The following TMC3 variants were observed in gnomAD, a reference collection of about 807,000 sequenced individuals.
TMC3 encodes the protein transmembrane channel-like protein 3.
TMC3 carries 98 observed loss-of-function variants against 110.6 expected under a neutral mutation model. That is an observed-to-expected ratio of 0.89 (90% CI 0.75 to 1.05). TMC3 has a LOEUF of 1.05. Among genes scored for constraint, TMC3 ranks in the 50% least tolerant of loss-of-function variants. The pLI, the probability that TMC3 is intolerant of heterozygous loss-of-function variation, is 0.00. For missense variants in TMC3, 1,319 were observed against 1,373.2 expected (o/e 0.96, Z 0.62); for synonymous variants, 489 against 513.1 (o/e 0.95, Z 0.63).
At chr15:81,365,702 A>C (rs28393521) in intron 3 of TMC3, among the ~76,000 whole-genome samples, 5 of 151,952 alleles carry the variant, frequency 3.3e-5, no homozygotes, top group South Asian at 2.1e-4. Flanking sequence ...GAAAAAAAAG[A>C]AAAAAGCAAA....
chr15:81,343,315 T>A lies in TMC3; in HGVS notation c.1678A>T (p.Asn560Tyr). Reference sequence around the variant, plus strand: ...TGGTTGTAGACTAAATGTAGCACATTCTCAGCTATTTTGAATTCTCCATAT... The same window carrying A: ...TGGTTGTAGACTAAATGTAGCACATACTCAGCTATTTTGAATTCTCCATAT... ...PEYGEFKIAE[N>Y]VLHLVYNQGM... Residue 560 changes from asparagine to tyrosine, a missense_variant, in exon 15 of 22, where the codon AAT becomes TAT. Coordinates refer to ENST00000359440, the MANE Select transcript of TMC3 (RefSeq NM_001080532.3). 5 of 1,611,258 alleles carry A rather than the reference T, an allele frequency of 3.1e-6. No homozygotes were observed. Among genetic ancestry groups the A allele is most frequent in the Non-Finnish European group, 4.2e-6 (5 of 1,177,400 alleles).
chr15:81,358,455 G>C lies in TMC3; in HGVS notation c.547C>G (p.Pro183Ala). The C allele has an allele frequency of 6.2e-7, 1 of 1,613,710 alleles. No individual in the cohort carries two copies. Among genetic ancestry groups the C allele is most frequent in the Non-Finnish European group, 8.5e-7 (1 of 1,179,746 alleles). Residue 183 changes from proline (P) to alanine (A), a missense_variant, in exon 6 of 22, where the codon CCC (proline) becomes GCC (alanine). By Grantham distance (27) the Pro-to-Ala change is conservative. Coordinates refer to ENST00000359440, the MANE Select transcript of TMC3 (RefSeq NM_001080532.3). ...TGGGCAGACGAAACCTGCTCCTTGG[G>C]GATGGTCTTCCTGGCTGTGCTTCCA... ...PFGSTARKTI[P>A]KEQVSSAQDL...
At position 81,367,921 on chromosome 15, in the gene TMC3, T is replaced by TTTG. The variant is rs570351001; in HGVS notation, c.312+329_312+331dup. ...ACAGTGCTCACATGTGTGTGTGTTTTTTGTTGTTGTTGTTTTGTTTGTTTG... is the reference window on the plus strand; with the variant it reads ...ACAGTGCTCACATGTGTGTGTGTTTTTTGTTGTTGTTGTTGTTTTGTTTGTTTG... On this transcript the variant is annotated intron_variant, in intron 3 of 21. Coordinates refer to ENST00000359440, the MANE Select transcript of TMC3 (RefSeq NM_001080532.3). 1.2e-4 allele frequency among the ~76,000 whole-genome samples: 18 copies of TTTG among 152,198 alleles called. 1 individual carries two copies. In the South Asian group the frequency reaches 2.9e-3, roughly 25 times the overall value.
chr15:81,356,818 A>G (rs1265190139), intron 7 of TMC3, among the ~76,000 whole-genome samples: 1 of 152,258 alleles, frequency 6.6e-6, no homozygotes, highest in Non-Finnish European at 1.5e-5. Flanking sequence ...GCCCATTATT[A>G]TATGAGTTCA....
At chr15:81,352,028 C>T (rs1036236227) in intron 9 of TMC3, among the ~76,000 whole-genome samples, 187 bp from the exon 10 acceptor site, 15 of 152,134 alleles carry the variant, frequency 9.9e-5, no homozygotes, top group Admixed American at 6.5e-4. Flanking sequence ...AAGAGATCAA[C>T]GACCAGTCAT....
Position 81,359,408 on chromosome 15 carries a change from A to G in TMC3, c.458T>C (p.Ile153Thr), listed in dbSNP as rs1894138547. The G allele has an allele frequency of 1.0e-5, 16 of 1,606,716 alleles. No homozygotes were observed. The highest frequency in any genetic ancestry group is 2.2e-5 in the East Asian group (1 of 44,744). The change falls in exon 5 of 22, where the codon ATT (isoleucine) becomes ACT (threonine). Residue 153 changes from isoleucine to threonine, a missense_variant. Coordinates refer to ENST00000359440, the MANE Select transcript of TMC3 (RefSeq NM_001080532.3). ...IFLRWLFGIN[I>T]VLTIMTGAFI... ...AGCACCTGTCATAATGGTGAGCACAATATTAATTCCAAATAACCATCTCAA... is the reference window on the plus strand; with the variant it reads ...AGCACCTGTCATAATGGTGAGCACAGTATTAATTCCAAATAACCATCTCAA...
Position 81,362,214 on chromosome 15 carries a change from A to T in TMC3, c.394+6T>A, listed in dbSNP as rs757310514. ...CCTGCCCCACTCTCCAGGTGTAAAT[A>T]CTTACTCTCGATTTTCTTTATCCTC... On this transcript the variant is annotated splice_donor_region_variant and intron_variant, in intron 4 of 21. Coordinates refer to ENST00000359440, the MANE Select transcript of TMC3 (RefSeq NM_001080532.3). The T allele has an allele frequency of 2.1e-5, 34 of 1,602,672 alleles. No homozygotes were observed. The highest frequency in any genetic ancestry group is 2.7e-5 in the African/African-American group (2 of 74,734).
At chr15:81,369,049 T>C (rs1372451120) in intron 2 of TMC3, among the ~76,000 whole-genome samples, 1 of 152,112 alleles carries the variant, frequency 6.6e-6, no homozygotes, top group South Asian at 2.1e-4. Context: ...AACCTAATCA[T>C]ATACCACCCC....
rs1596090767 is a variant in TMC3, at chr15:81,358,148, C to T, written c.743+1G>A. The T allele has an allele frequency of 1.3e-6, 2 of 1,589,184 alleles. No homozygotes were observed. Among genetic ancestry groups the T allele is most frequent in the African/African-American group, 1.4e-5 (1 of 73,744 alleles). ...TATTTTGAGAAATTGAGCAGTCATA[C>T]TTTTTTAAAAGAATGATGAAGCTGT... On this transcript the variant is annotated splice_donor_variant, in intron 7 of 21. Coordinates refer to ENST00000359440, the MANE Select transcript of TMC3 (RefSeq NM_001080532.3). LOFTEE classifies it high-confidence loss of function.
intron 18 of TMC3, 35 bp downstream of exon 18, chr15:81,338,620 G>C: frequency 3.7e-6 from 6 of 1,600,060 alleles, no homozygotes; most frequent in Non-Finnish European, 5.1e-6. Flanking sequence ...CAAACACACA[G>C]AAGTCCCTCC....
At chr15:81,367,982 T>A (rs1450538588) in intron 3 of TMC3, among the ~76,000 whole-genome samples, 1 of 152,224 alleles carries the variant, frequency 6.6e-6, no homozygotes. Context: ...TCACCCAGAC[T>A]GGAGTGCAGT....
intron 19 of TMC3, among the ~76,000 whole-genome samples, chr15:81,336,900 C>T (rs1382473396): frequency 6.6e-6 from 1 of 152,046 alleles, no homozygotes; most frequent in African/African-American, 2.4e-5. Context: ...AATTAACAGA[C>T]CATGTTTAGA....
In TMC3 at chr15:81,343,966, A is replaced by G. The variant is rs1385729284; in HGVS notation, c.1598T>C (p.Phe533Ser). The G allele has an allele frequency of 6.2e-7, 1 of 1,613,306 alleles. No individual in the cohort carries two copies. The change falls in exon 14 of 22, where the codon TTC becomes TCC. Residue 533 changes from phenylalanine to serine, a missense_variant. Coordinates refer to ENST00000359440, the MANE Select transcript of TMC3 (RefSeq NM_001080532.3). ...ILLIDFFRGL[F>S]VRYLSDYWCW... ...CCAGTAGTCACTTAAGTACCGCACG[A>G]AAAGTCCTCGGAAGAAGTCTATGAG...
At chr15:81,371,289 C>T (rs4778900) in intron 2 of TMC3, among the ~76,000 whole-genome samples, 128,116 of 152,270 alleles carry the variant, frequency 0.84, 54,374 homozygotes, top group African/African-American at 0.88. Context: ...TGGATGACTT[C>T]AGCTATCTTT....
At chr15:81,373,515 A>G (rs904683221) in intron 1 of TMC3, among the ~76,000 whole-genome samples, 4 of 152,172 alleles carry the variant, frequency 2.6e-5, no homozygotes, top group Non-Finnish European at 4.4e-5. Context: ...TTAGAGGAGA[A>G]TTTTTTTCAA....
At chr15:81,340,346 A>G (rs1893688054) in intron 16 of TMC3, among the ~76,000 whole-genome samples, 1 of 152,192 alleles carries the variant, frequency 6.6e-6, no homozygotes, top group South Asian at 2.1e-4. Flanking sequence ...ATCTTTGTCT[A>G]TCCACAGACA....
At position 81,358,255 on chromosome 15, in the gene TMC3, A is replaced by G. The variant is rs766093137; in HGVS notation, c.637T>C (p.Tyr213His). The change falls in exon 7 of 22, where the codon TAC becomes CAC. Residue 213 changes from tyrosine to histidine, a missense_variant. Physicochemically the swap from Tyr to His is moderately conservative, Grantham distance 83 (BLOSUM62 2). Transcript: ENST00000359440. ...LQYSVLFYGYYGRERKIGRAG... is the reference protein window; with the variant it reads ...LQYSVLFYGYHGRERKIGRAG... Reference sequence around the variant, plus strand: ...CTCCCGATCTTCCTCTCCCTGCCGTAATATCCGTAGAAGAGGACAGAGTAC... The same window carrying G: ...CTCCCGATCTTCCTCTCCCTGCCGTGATATCCGTAGAAGAGGACAGAGTAC... The G allele has an allele frequency of 1.9e-6, 3 of 1,612,922 alleles. No individual in the cohort carries two copies. The highest frequency in any genetic ancestry group is 1.3e-5 in the African/African-American group (1 of 74,878).
chr15:81,360,944 T>A (rs1247832195), intron 4 of TMC3, among the ~76,000 whole-genome samples: 1 of 151,404 alleles, frequency 6.6e-6, no homozygotes, highest in South Asian at 2.1e-4. Flanking sequence ...TACTACAGCC[T>A]TGTTTGTTTA....
intron 3 of TMC3, among the ~76,000 whole-genome samples, chr15:81,365,691 A>AT (rs1567070143): frequency 6.8e-6 from 1 of 147,330 alleles, no homozygotes. Flanking sequence ...AAAAAGAAAA[A>AT]GAAAAAAAAG....
Sources: gnomAD v4.1 joint callset for allele counts (sites outside exome capture counted in the v4.1 genomes callset) on GRCh38, gnomAD v4.1.1 for gene constraint, MANE v1.5 for transcripts, NCBI Gene and HGNC (gene_info 2026-07-23, HGNC 2026-07-21) for gene names.